The following ZNF513 variants were observed in gnomAD, a reference collection of about 807,000 sequenced individuals.
The protein encoded by ZNF513 is zinc finger protein 513.
A neutral mutation model predicts 39.7 loss-of-function variants in ZNF513; 16 were observed. That is an observed-to-expected ratio of 0.40 (90% CI 0.27 to 0.61). The LOEUF is 0.61. Ranked by LOEUF, ZNF513 falls within the 20% of genes least tolerant of loss-of-function variation. The probability of loss-of-function intolerance (pLI) is 0.39; values close to 1 mark genes in which losing one functional copy is unlikely to be tolerated. For missense variants in ZNF513, 699 were observed against 743.6 expected, an observed-to-expected ratio of 0.94 and a Z score of 0.70; for synonymous variants, 348 against 296.5, an observed-to-expected ratio of 1.17 and a Z score of -1.79.
chr2:27,379,620 T>C (rs548504512), intron 2 of ZNF513, among the ~76,000 whole-genome samples: 44 of 152,156 alleles, frequency 2.9e-4, no homozygotes, highest in African/African-American at 1.0e-3. Flanking sequence ...TGCAGCAAAT[T>C]AGGGTAGGGT....
Position 27,380,493 on chromosome 2 carries a change from C to T in ZNF513, c.34G>A (p.Val12Met). 6.3e-7 allele frequency: 1 copy of T among 1,584,140 alleles called. No individual in the cohort carries two copies. Among genetic ancestry groups the T allele is most frequent in the Non-Finnish European group, 8.6e-7 (1 of 1,156,428 alleles). Reference protein sequence around the residue: ...PRRKQSHPQPVKCEGVKVDTE... With the variant: ...PRRKQSHPQPMKCEGVKVDTE... ...TGACCTTTGACCCCCTCGCATTTCA[C>T]GGGCTGCGGGTGGCTTTGCTTCCTT... Residue 12 changes from valine (V) to methionine (M), a missense_variant, in exon 1 of 4, where the codon GTG becomes ATG. This residue lies in a region of ZNF513 where 530 missense variants were observed against 499.3 expected (regional missense o/e 1.06). Coordinates refer to ENST00000323703, the MANE Select transcript of ZNF513 (RefSeq NM_144631.6).
At chr2:27,379,160 C>T in intron 2 of ZNF513, 106 bp from the exon 3 acceptor site, 2 of 1,081,772 alleles carry the variant, frequency 1.8e-6, no homozygotes, top group South Asian at 2.7e-5. Context: ...CCACCCTTAG[C>T]TTTGATGATC....
rs760921878 is a variant in ZNF513, at chr2:27,379,008, G to A, written c.258C>T (p.Asp86=). The change falls in exon 3 of 4, where the codon GAC becomes GAT. Residue 86 remains aspartate, a synonymous_variant. Coordinates refer to ENST00000323703, the MANE Select transcript of ZNF513 (RefSeq NM_144631.6). The part of the protein sequence containing the change: ...ARPGLPYGLS[D]DESGGGRALS... ...GTGCCCGGCCGCCCCCAGACTCATCGTCGCTCAGCCCATAGGGAAGCCCAG... is the reference window on the plus strand; with the variant it reads ...GTGCCCGGCCGCCCCCAGACTCATCATCGCTCAGCCCATAGGGAAGCCCAG... 7.4e-6 allele frequency: 12 copies of A among 1,613,108 alleles called. No individual in the cohort carries two copies. Among genetic ancestry groups the A allele is most frequent in the East Asian group, 6.7e-5 (3 of 44,876 alleles).
Position 27,378,660 on chromosome 2 carries a change from G to C in ZNF513, c.606C>G (p.Gly202=). ...AGTGGGGACAGCGGTAGGGCTTCTC[G>C]CCAGTGTGGGTGCGGGTATGTCGTG... is the stretch of plus-strand genomic sequence containing the variant. ...NLTRHTRTHT[G]EKPYRCPHCP... is the part of the protein sequence containing the mutation. Residue 202 remains glycine (G), a synonymous_variant, in exon 3 of 4, where the codon GGC becomes GGG. Transcript: ENST00000323703. The surrounding 1 kb of genome is among the most constrained non-coding windows in gnomAD (Gnocchi z 8.0). 1 of 1,613,730 alleles carries C rather than the reference G, an allele frequency of 6.2e-7. No individual in the cohort carries two copies. The highest frequency in any genetic ancestry group is 2.2e-5 in the East Asian group (1 of 44,876).
Position 27,378,944 on chromosome 2 carries a change from G to T in ZNF513, c.322C>A (p.Pro108Thr), listed in dbSNP as rs374110410. The T allele has an allele frequency of 5.3e-5, 86 of 1,611,292 alleles. No individual in the cohort carries two copies. Among genetic ancestry groups the T allele is most frequent in the Non-Finnish European group, 7.0e-5 (83 of 1,178,792 alleles). The change falls in exon 3 of 4, where the codon CCA becomes ACA. Residue 108 changes from proline (P) to threonine (T), a missense_variant. Pro to Thr is a conservative substitution (Grantham distance 38). Around this residue, in one of 3 missense-constraint regions of ZNF513, gnomAD observed 530 missense variants for 499.3 expected, o/e 1.06. Transcript: ENST00000323703. This position sits in a 1 kb window ranked among gnomAD's most constrained non-coding sequence, Gnocchi z 8.0. ...GGCCTCTCACCCCTGGCCTCCCCTG[G>T]ACCCCTGGCTGGCTCCTCAACTTCA... ...ESEVEEPARG[P>T]GEARGERPGP...
In ZNF513 at chr2:27,378,945, A is replaced by C; in HGVS notation, c.321T>G (p.Gly107=). 1.2e-6 allele frequency: 2 copies of C among 1,610,826 alleles called. No individual in the cohort carries two copies. The highest frequency in any genetic ancestry group is 1.7e-6 in the Non-Finnish European group (2 of 1,178,624). Residue 107 remains glycine, a synonymous_variant, in exon 3 of 4, where the codon GGT becomes GGG. Transcript: ENST00000323703. This position sits in a 1 kb window ranked among gnomAD's most constrained non-coding sequence, Gnocchi z 8.0. ...GCCTCTCACCCCTGGCCTCCCCTGG[A>C]CCCCTGGCTGGCTCCTCAACTTCAC... ...AESEVEEPAR[G]PGEARGERPG... is the part of the protein sequence containing the mutation.
In ZNF513 at chr2:27,380,182, C is replaced by A. The variant is rs148096512; in HGVS notation, c.122G>T (p.Gly41Val). Residue 41 changes from glycine to valine, a missense_variant, in exon 2 of 4, where the codon GGC becomes GTC. Around this residue, in one of 3 missense-constraint regions of ZNF513, gnomAD observed 530 missense variants for 499.3 expected, o/e 1.06. Coordinates refer to ENST00000323703, the MANE Select transcript of ZNF513 (RefSeq NM_144631.6). ...ALVLESDLLL[G>V]QDLEFEEEEE... ...TTCCTCCTCAAACTCCAGATCCTGG[C>A]CTAGTAGCAAATCACTCTCCAATAC... The A allele has an allele frequency of 6.2e-6, 10 of 1,613,968 alleles. No homozygotes were observed. In the African/African-American group the frequency reaches 1.2e-4, roughly 19 times the overall value.
chr2:27,377,675 G>T lies in ZNF513; in HGVS notation c.1496C>A (p.Ala499Glu), dbSNP rs1191257902. Residue 499 changes from alanine to glutamate, a missense_variant, in exon 4 of 4, where the codon GCA becomes GAA. Physicochemically the swap from Ala to Glu is moderately radical, Grantham distance 107 (BLOSUM62 -1). This residue lies in a region of ZNF513 where 71 missense variants were observed against 64.1 expected (regional missense o/e 1.11). Coordinates refer to ENST00000323703, the MANE Select transcript of ZNF513 (RefSeq NM_144631.6). The surrounding 1 kb of genome is among the most constrained non-coding windows in gnomAD (Gnocchi z 4.4). The stretch of plus-strand genomic sequence containing the variant: ...AGAGGCAGAGAGACCAGGCCCTCCT[G>T]CCCCACCGTGGCCATGCACCTTCTG... ...RHQKVHGHGG[A>E]GGPGLSASEG... 6.2e-7 allele frequency: 1 copy of T among 1,614,134 alleles called. No individual in the cohort carries two copies. Among genetic ancestry groups the T allele is most frequent in the South Asian group, 1.1e-5 (1 of 91,080 alleles).
chr2:27,377,426 A>C lies in ZNF513; in HGVS notation c.*119T>G. The C allele has an allele frequency of 1.8e-6, 2 of 1,139,374 alleles. No homozygotes were observed. The highest frequency in any genetic ancestry group is 2.6e-6 in the Non-Finnish European group (2 of 776,996). The allele number at this position is 1,139,374 out of a possible 1,614,324, so 70.6% of individuals were successfully genotyped here. ...CTGGTCCATATGGGCCCCCCCGCCC[A>C]TGGGGTTGGGCTGGTCCTTATAGTG... On this transcript the variant is annotated 3_prime_UTR_variant, in exon 4 of 4. Coordinates refer to ENST00000323703, the MANE Select transcript of ZNF513 (RefSeq NM_144631.6). This position sits in a 1 kb window ranked among gnomAD's most constrained non-coding sequence, Gnocchi z 4.4.
Position 27,378,561 on chromosome 2 carries a change from G to GGGA in ZNF513, c.702_704dup (p.Pro235dup). The GGGA allele has an allele frequency of 6.2e-7, 1 of 1,614,014 alleles. No homozygotes were observed. The highest frequency in any genetic ancestry group is 1.1e-5 in the South Asian group (1 of 91,080). ...AGCAGCGGAAGCCACAGGTCGGGCA[G>GGGA]GGAGGAGTGGGGGGCCCTGCGTGGG... is the stretch of plus-strand genomic sequence containing the variant. On this transcript the variant is annotated inframe_insertion, in exon 3 of 4. Transcript: ENST00000323703. The surrounding 1 kb of genome is among the most constrained non-coding windows in gnomAD (Gnocchi z 8.0).
intron 2 of ZNF513, among the ~76,000 whole-genome samples, chr2:27,379,444 G>GTAAGGAGCTGATATAAAATAAAACCTA (rs1683518853): frequency 1.3e-5 from 2 of 152,186 alleles, no homozygotes; most frequent in African/African-American, 4.8e-5. Context: ...GCCCCTTTTA[G>GTAAGGAGCTGATATAAAATAAAACCTA]TAAGGAGCTG....
Position 27,379,010 on chromosome 2 carries a change from C to T in ZNF513, c.256G>A (p.Asp86Asn), listed in dbSNP as rs764559317. 14 of 1,613,018 alleles carry T rather than the reference C, an allele frequency of 8.7e-6. No homozygotes were observed. The highest frequency in any genetic ancestry group is 1.3e-5 in the African/African-American group (1 of 74,914). Residue 86 changes from aspartate to asparagine, a missense_variant, in exon 3 of 4, where the codon GAC (aspartate) becomes AAC (asparagine). Physicochemically the swap from Asp to Asn is conservative, Grantham distance 23 (BLOSUM62 1). Transcript: ENST00000323703. ...ARPGLPYGLSDDESGGGRALS... is the reference protein window; with the variant it reads ...ARPGLPYGLSNDESGGGRALS... ...GCCCGGCCGCCCCCAGACTCATCGT[C>T]GCTCAGCCCATAGGGAAGCCCAGGC...
chr2:27,380,213 C>T lies in ZNF513; in HGVS notation c.91G>A (p.Ala31Thr), dbSNP rs749749214. 6.2e-6 allele frequency: 10 copies of T among 1,613,942 alleles called. No homozygotes were observed. The highest frequency in any genetic ancestry group is 1.6e-4 in the Middle Eastern group (1 of 6,084). Residue 31 changes from alanine to threonine, a missense_variant, in exon 2 of 4, where the codon GCC (alanine) becomes ACC (threonine). Physicochemically the swap from Ala to Thr is moderately conservative, Grantham distance 58. Coordinates refer to ENST00000323703, the MANE Select transcript of ZNF513 (RefSeq NM_144631.6). The part of the protein sequence containing the change: ...TEDSLDEGPG[A>T]LVLESDLLLG... ...AGCAAATCACTCTCCAATACCAGGGCCCCGGGTCCTTCGTCGAGGGAGTCT... is the reference window on the plus strand; with the variant it reads ...AGCAAATCACTCTCCAATACCAGGGTCCCGGGTCCTTCGTCGAGGGAGTCT...
Position 27,379,963 on chromosome 2 carries a change from TCTAGCTCAAATGTAAAC to T in ZNF513, c.211+113_211+129del, listed in dbSNP as rs1357755721. The T allele has an allele frequency of 1.3e-4, 166 of 1,242,416 alleles. 1 individual carries two copies. Among genetic ancestry groups the T allele is most frequent in the Non-Finnish European group, 1.8e-4 (152 of 847,246 alleles). 77.0% of individuals were successfully genotyped at this position (1,242,416 alleles called of 1,614,324 possible). A position where few individuals can be genotyped will look rare whatever the true frequency, so the allele number is the denominator to read the frequency against. ...TTGGACCATTAAACAAATGAAGTCA[TCTAGCTCAAATGTAAAC>T]TAAACCAGCCCTCGGTTGTGGCAGG... On this transcript the variant is annotated intron_variant, in intron 2 of 3. Coordinates refer to ENST00000323703, the MANE Select transcript of ZNF513 (RefSeq NM_144631.6).
In ZNF513 at chr2:27,380,616, A is replaced by C; in HGVS notation, c.-90T>G. The C allele has an allele frequency of 6.6e-7, 1 of 1,503,922 alleles. No homozygotes were observed. Among genetic ancestry groups the C allele is most frequent in the African/African-American group, 1.4e-5 (1 of 69,724 alleles). The allele number at this position is 1,503,922 out of a possible 1,614,324, so 93.2% of individuals were successfully genotyped here. ...GGCCCGCCTGTCTGCCCTTCCTCTC[A>C]GGGCCCGCGGGCCGCCCCCATGCAG... is the stretch of plus-strand genomic sequence containing the variant. On this transcript the variant is annotated 5_prime_UTR_variant, in exon 1 of 4. It removes the in-frame stop codon of an upstream open reading frame in the 5' UTR. Coordinates refer to ENST00000323703, the MANE Select transcript of ZNF513 (RefSeq NM_144631.6).
rs1683471772 is a variant in ZNF513 at position 27,378,708 on chromosome 2, G to A, written c.558C>T (p.Ala186=). ...GTGTCAGGTTGACGAGCTGGGCTGA[G>A]GCGTAGGGGCAGCGGCCACAGCGGA... ...KPFRCGRCPY[A]SAQLVNLTRH... The change falls in exon 3 of 4, where the codon GCC becomes GCT. Residue 186 remains alanine, a synonymous_variant. Coordinates refer to ENST00000323703, the MANE Select transcript of ZNF513 (RefSeq NM_144631.6). The surrounding 1 kb of genome is among the most constrained non-coding windows in gnomAD (Gnocchi z 8.0). The A allele has an allele frequency of 1.2e-6, 2 of 1,613,954 alleles. No individual in the cohort carries two copies. Among genetic ancestry groups the A allele is most frequent in the African/African-American group, 2.7e-5 (2 of 75,056 alleles).
In ZNF513 at chr2:27,377,292, G is replaced by A. The variant is rs1466805251; in HGVS notation, c.*253C>T. 3 of 639,548 alleles carry A rather than the reference G, an allele frequency of 4.7e-6. No individual in the cohort carries two copies. Among genetic ancestry groups the A allele is most frequent in the Non-Finnish European group, 8.4e-6 (3 of 355,922 alleles). 39.6% of individuals were successfully genotyped at this position (639,548 alleles called of 1,614,324 possible). On this transcript the variant is annotated 3_prime_UTR_variant, in exon 4 of 4. Transcript: ENST00000323703. The surrounding 1 kb of genome is among the most constrained non-coding windows in gnomAD (Gnocchi z 4.4). ...AAATAAGTTAAATAAACAGGTGGGA[G>A]GCTGGGCAGTCCCCCAGCCGGTTTG...
rs1000959532 is a variant in ZNF513, at chr2:27,380,591, G to A, written c.-65C>T. 35 of 1,538,002 alleles carry A rather than the reference G, an allele frequency of 2.3e-5. 1 individual carries two copies. In the Middle Eastern group the frequency reaches 9.7e-4, roughly 43 times the overall value. ...CGCCCGACCCCGCCCCTCCTATCTC[G>A]GCCCGCCTGTCTGCCCTTCCTCTCA... On this transcript the variant is annotated 5_prime_UTR_variant, in exon 1 of 4. Coordinates refer to ENST00000323703, the MANE Select transcript of ZNF513 (RefSeq NM_144631.6).
chr2:27,380,147 C>T lies in ZNF513; in HGVS notation c.157G>A (p.Glu53Lys), dbSNP rs759604523. The T allele has an allele frequency of 6.2e-6, 10 of 1,613,924 alleles. No individual in the cohort carries two copies. Among genetic ancestry groups the T allele is most frequent in the South Asian group, 1.1e-5 (1 of 91,080 alleles). ...TGGTCACTGTTGCCGTCGCCTTCCT[C>T]CTCTTCCTCTTCCTCCTCAAACTCC... ...DLEFEEEEEE[E>K]EGDGNSDQLM... Residue 53 changes from glutamate (E) to lysine (K), a missense_variant, in exon 2 of 4, where the codon GAG becomes AAG. Around this residue, in one of 3 missense-constraint regions of ZNF513, gnomAD observed 530 missense variants for 499.3 expected, o/e 1.06. Coordinates refer to ENST00000323703, the MANE Select transcript of ZNF513 (RefSeq NM_144631.6).
Sources: gnomAD v4.1 joint callset for allele counts (sites outside exome capture counted in the v4.1 genomes callset) on GRCh38, gnomAD v4.1.1 for gene constraint, gnomAD v4.1.1 regional missense constraint, Gnocchi (gnomAD v3.1) non-coding constraint, MANE v1.5 for transcripts, NCBI Gene and HGNC (gene_info 2026-07-23, HGNC 2026-07-21) for gene names.